Variants in DRC4 observed in about 807,000 individuals in gnomAD.
The protein encoded by DRC4 is GAS-11.
chr16:90,035,907 A>T, the DRC4 span: 2 of 1,447,328 alleles, frequency 1.4e-6, no homozygotes, highest in Non-Finnish European at 1.8e-6. Flanking sequence ...TGATTACCAC[A>T]CACATTCCCA....
chr16:90,027,125 G>A, the DRC4 span, among the ~76,000 whole-genome samples: 6 of 147,272 alleles, frequency 4.1e-5, no homozygotes, highest in African/African-American at 5.1e-5. Flanking sequence ...TCACTCTGTC[G>A]TCCTGGCTGG....
the DRC4 span, among the ~76,000 whole-genome samples, chr16:90,024,405 G>A: frequency 6.6e-6 from 1 of 152,162 alleles, no homozygotes; most frequent in Non-Finnish European, 1.5e-5. Context: ...TGGGGCAGAG[G>A]GAGATCTGTG....
the DRC4 span, chr16:90,033,024 AT>A: frequency 1.1e-5 from 12 of 1,119,590 alleles, no homozygotes; most frequent in Non-Finnish European, 1.5e-5. Flanking sequence ...GGGAATTCAT[AT>A]TTCTGCATAA....
At chr16:90,021,755 G>C in the DRC4 span, among the ~76,000 whole-genome samples, 3 of 151,624 alleles carry the variant, frequency 2.0e-5, no homozygotes, top group South Asian at 6.3e-4. Context: ...TGTAGTCCTG[G>C]CTTCTCAGGA....
At chr16:90,020,976 TC>T in the DRC4 span, 1 of 152,250 alleles carries the variant, frequency 6.6e-6, no homozygotes, top group South Asian at 2.1e-4. Flanking sequence ...GACCACCCTG[TC>T]CCAGGGGGAG....
the DRC4 span, chr16:90,036,539 TACA>T: frequency 6.2e-7 from 1 of 1,605,934 alleles, no homozygotes; most frequent in South Asian, 1.1e-5. Context: ...TAAGAACTAC[TACA>T]ACGACATCAC....
At chr16:90,024,904 G>T in the DRC4 span, among the ~76,000 whole-genome samples, 1 of 152,130 alleles carries the variant, frequency 6.6e-6, no homozygotes, top group Non-Finnish European at 1.5e-5. Flanking sequence ...CTGTTAGGTT[G>T]TGGGAATATG....
chr16:90,025,970 G>C, the DRC4 span, among the ~76,000 whole-genome samples: 1 of 151,758 alleles, frequency 6.6e-6, no homozygotes, highest in African/African-American at 2.4e-5. Context: ...ACGTTACATA[G>C]CTGGGCACAG....
chr16:90,019,670 G>C, the DRC4 span: 5 of 519,984 alleles, frequency 9.6e-6, no homozygotes, highest in African/African-American at 4.1e-5. The surrounding 1 kb of genome is among the most constrained non-coding windows in gnomAD (Gnocchi z 6.1). Flanking sequence ...GGACACCACC[G>C]GGACCTGGCT....
the DRC4 span, chr16:90,036,879 G>C: frequency 3.4e-6 from 2 of 583,972 alleles, no homozygotes; most frequent in Non-Finnish European, 6.2e-6. Flanking sequence ...TGAGGGCCGT[G>C]ATGTGGCTGG....
chr16:90,022,168 C>G, the DRC4 span: 2 of 152,342 alleles, frequency 1.3e-5, no homozygotes, highest in African/African-American at 4.8e-5. Context: ...TGGAACTAAA[C>G]TGGAACGTAT....
the DRC4 span, chr16:90,035,918 C>T: frequency 1.4e-6 from 2 of 1,436,924 alleles, no homozygotes; most frequent in African/African-American, 2.9e-5. Flanking sequence ...CACATTCCCA[C>T]TCCTAGCTAA....
the DRC4 span, among the ~76,000 whole-genome samples, chr16:90,030,195 CATT>C: frequency 6.6e-6 from 1 of 152,090 alleles, no homozygotes; most frequent in Non-Finnish European, 1.5e-5. Flanking sequence ...TTTTGCTTAA[CATT>C]ATATCTTCAA....
the DRC4 span, chr16:90,044,510 GTGGGT>G: frequency 1.5e-5 from 7 of 471,084 alleles, no homozygotes; most frequent in Non-Finnish European, 3.1e-5. Flanking sequence ...ACCTCCACAT[GTGGGT>G]AGAAGCTTTC....
At chr16:90,036,791 G>A in the DRC4 span, 5 of 694,742 alleles carry the variant, frequency 7.2e-6, no homozygotes, top group South Asian at 7.6e-5. Context: ...AAGCAGTCAG[G>A]ATATTGCCCT....
the DRC4 span, chr16:90,019,805 C>T: frequency 8.7e-6 from 6 of 688,456 alleles, no homozygotes; most frequent in Admixed American, 8.7e-5. The surrounding 1 kb of genome is among the most constrained non-coding windows in gnomAD (Gnocchi z 6.1). Flanking sequence ...GTGCGGGCGC[C>T]CCTCGGGGCT....
At chr16:90,028,944 A>T in the DRC4 span, 23 of 1,302,148 alleles carry the variant, frequency 1.8e-5, no homozygotes, top group East Asian at 1.2e-3. Flanking sequence ...ATGCAGGCAA[A>T]CCATTGGCAG....
the DRC4 span, among the ~76,000 whole-genome samples, chr16:90,028,162 A>G: frequency 0.33 from 45,205 of 138,760 alleles, 7,513 homozygotes; most frequent in South Asian, 0.45. Context: ...TCTGAATCTG[A>G]TTAATCGTTC....
chr16:90,027,767 G>A, the DRC4 span: 146 of 1,551,570 alleles, frequency 9.4e-5, no homozygotes, highest in African/African-American at 3.8e-4. Context: ...GGGCGTGGGC[G>A]GGCACCACGC....
Sources: gnomAD v4.1 joint callset for allele counts (sites outside exome capture counted in the v4.1 genomes callset) on GRCh38, gnomAD v4.1.1 for gene constraint, Gnocchi (gnomAD v3.1) non-coding constraint, MANE v1.5 for transcripts, NCBI Gene and HGNC (gene_info 2026-07-23, HGNC 2026-07-21) for gene names.